The following KIF16B variants were observed in gnomAD, a reference collection of about 807,000 sequenced individuals.
KIF16B encodes kinesin family member 16B.
Under a neutral mutation model 156.3 loss-of-function variants are expected in KIF16B, and 98 were observed. That is an observed-to-expected ratio of 0.63 (90% CI 0.53 to 0.74). KIF16B has a LOEUF of 0.74. Ranked by LOEUF, KIF16B falls within the 30% of genes least tolerant of loss-of-function variation. The pLI, the probability that KIF16B is intolerant of heterozygous loss-of-function variation, is 0.00. For missense variants in KIF16B, 1,421 were observed against 1,606.5 expected (o/e 0.88, Z 1.97); for synonymous variants, 564 against 583.7 (o/e 0.97, Z 0.49).
rs775489999 is a variant in KIF16B, at chr20:16,404,860, G to A, written c.1737C>T (p.Leu579=). Residue 579 remains leucine (L), a synonymous_variant, in exon 17 of 26, where the codon CTC becomes CTT. Coordinates refer to ENST00000354981, the MANE Select transcript of KIF16B (RefSeq NM_024704.5). ...LSSFSLSMTD[L]SKSRENLSAV... is the part of the protein sequence containing the mutation. ...CAGACAGGTTCTCACGGGACTTCGA[G>A]AGGTCGGTCATGGACAAGCTGAAGG... The A allele has an allele frequency of 5.6e-6, 9 of 1,613,468 alleles. No individual in the cohort carries two copies. In the African/African-American group the frequency reaches 8.0e-5, roughly 14 times the overall value.
chr20:16,551,414 C>T (rs1319251960), intron 1 of KIF16B, among the ~76,000 whole-genome samples: 3 of 152,202 alleles, frequency 2.0e-5, no homozygotes, highest in African/African-American at 7.2e-5. Context: ...CAGGCATGAG[C>T]CACTGTGCCT....
intron 25 of KIF16B, among the ~76,000 whole-genome samples, chr20:16,278,224 G>A (rs1338696415): frequency 6.6e-6 from 1 of 152,082 alleles, no homozygotes; most frequent in Non-Finnish European, 1.5e-5. Flanking sequence ...TCTAGGGGAG[G>A]ACAAGAGAAA....
At chr20:16,371,452 G>A (rs1342223392) in intron 21 of KIF16B, among the ~76,000 whole-genome samples, 5 of 152,064 alleles carry the variant, frequency 3.3e-5, no homozygotes, top group Admixed American at 3.3e-4. Flanking sequence ...TTAGCCAGGT[G>A]TGGTGGCAGG....
intron 1 of KIF16B, among the ~76,000 whole-genome samples, chr20:16,568,379 G>T (rs76257608): frequency 0.052 from 7,896 of 152,254 alleles, 253 homozygotes; most frequent in Admixed American, 0.085. Flanking sequence ...ACTTGTTTTT[G>T]AATAAAGTTA....
chr20:16,436,021 T>C (rs1322071993), intron 12 of KIF16B, among the ~76,000 whole-genome samples: 2 of 152,202 alleles, frequency 1.3e-5, no homozygotes, highest in Non-Finnish European at 2.9e-5. Flanking sequence ...TTCATCTATA[T>C]TGGGATCTTT....
In KIF16B at chr20:16,379,665, C is replaced by A. The variant is rs370676980; in HGVS notation, c.2337G>T (p.Leu779=). 4 of 1,614,068 alleles carry A rather than the reference C, an allele frequency of 2.5e-6. No homozygotes were observed. The highest frequency in any genetic ancestry group is 3.4e-6 in the Non-Finnish European group (4 of 1,180,042). Residue 779 remains leucine, a synonymous_variant, in exon 19 of 26, where the codon CTG becomes CTT. Coordinates refer to ENST00000354981, the MANE Select transcript of KIF16B (RefSeq NM_024704.5). Reference sequence around the variant, plus strand: ...CCACCCACTGTACCTCCCCACGCCGCAGGAGCTGGATCATCTCCTGCTTCT... The same window carrying A: ...CCACCCACTGTACCTCCCCACGCCGAAGGAGCTGGATCATCTCCTGCTTCT... ...LREKQEMIQL[L]RRGEVQWVEE... is the part of the protein sequence containing the mutation.
intron 15 of KIF16B, among the ~76,000 whole-genome samples, chr20:16,411,115 T>C (rs2065942720): frequency 6.6e-6 from 1 of 152,108 alleles, no homozygotes; most frequent in South Asian, 2.1e-4. Flanking sequence ...CTGTGTCTGT[T>C]CCTAAATGTC....
chr20:16,505,940 T>G (rs1204580665), intron 8 of KIF16B, 82 bp downstream of exon 8: 1 of 1,603,722 alleles, frequency 6.2e-7, no homozygotes, highest in Non-Finnish European at 8.5e-7. Context: ...CTTGAAGAAA[T>G]TACCTCAGTT....
intron 22 of KIF16B, among the ~76,000 whole-genome samples, chr20:16,360,685 A>G (rs1036520674): frequency 1.3e-5 from 2 of 152,220 alleles, no homozygotes; most frequent in African/African-American, 4.8e-5. Flanking sequence ...ATTTTTTCTG[A>G]TAGCTTTTAA....
intron 1 of KIF16B, among the ~76,000 whole-genome samples, chr20:16,545,311 A>G (rs961651754): frequency 2.0e-5 from 3 of 152,004 alleles, no homozygotes; most frequent in African/African-American, 7.3e-5. Context: ...CAGGCAGATC[A>G]CTTGAGTCCA....
At chr20:16,420,146 C>A (rs2066189502) in intron 15 of KIF16B, among the ~76,000 whole-genome samples, 1 of 152,142 alleles carries the variant, frequency 6.6e-6, no homozygotes, top group Admixed American at 6.5e-5. Context: ...AAACTTCAGG[C>A]AACAAACTTT....
At chr20:16,556,376 G>A (rs2070848039) in intron 1 of KIF16B, among the ~76,000 whole-genome samples, 1 of 152,174 alleles carries the variant, frequency 6.6e-6, no homozygotes, top group Non-Finnish European at 1.5e-5. Flanking sequence ...AGAGAGCAAG[G>A]ACTATGCCCA....
chr20:16,456,633 A>G (rs568153690), intron 12 of KIF16B, among the ~76,000 whole-genome samples: 44 of 152,338 alleles, frequency 2.9e-4, no homozygotes, highest in African/African-American at 1.0e-3. Context: ...AAATTACATA[A>G]GTGGTAAATA....
At chr20:16,438,321 T>C (rs1413656356) in intron 12 of KIF16B, among the ~76,000 whole-genome samples, 1 of 152,142 alleles carries the variant, frequency 6.6e-6, no homozygotes, top group African/African-American at 2.4e-5. Context: ...GGTCCAAAAA[T>C]AGGTGACTAC....
chr20:16,481,953 A>G (rs2067993713), intron 12 of KIF16B, among the ~76,000 whole-genome samples: 1 of 152,144 alleles, frequency 6.6e-6, no homozygotes, highest in Non-Finnish European at 1.5e-5. Flanking sequence ...TATGATAGGT[A>G]CGATTACTGT....
intron 1 of KIF16B, among the ~76,000 whole-genome samples, chr20:16,565,422 G>A (rs535774528): frequency 1.2e-4 from 18 of 152,230 alleles, no homozygotes; most frequent in Non-Finnish European, 2.2e-4. Flanking sequence ...CAGTTCTGAC[G>A]TTGTGAACCC....
rs745614185 is a variant in KIF16B at position 16,379,759 on chromosome 20, T to G, written c.2243A>C (p.Lys748Thr). Residue 748 changes from lysine to threonine, a missense_variant, in exon 19 of 26, where the codon AAA becomes ACA. By Grantham distance (78) the Lys-to-Thr change is moderately conservative. Coordinates refer to ENST00000354981, the MANE Select transcript of KIF16B (RefSeq NM_024704.5). ...DEQYAKLELE[K>T]KRLEEQEKEQ... is the part of the protein sequence containing the mutation. ...CTTCTCCTGCTCCTCTAGTCTCTTT[T>G]TTTCCAGTTCAAGCTTGGCATACTG... is the stretch of plus-strand genomic sequence containing the variant. 1.2e-6 allele frequency: 2 copies of G among 1,614,100 alleles called. No individual in the cohort carries two copies. Among genetic ancestry groups the G allele is most frequent in the Non-Finnish European group, 1.7e-6 (2 of 1,180,054 alleles).
intron 23 of KIF16B, among the ~76,000 whole-genome samples, chr20:16,355,069 T>A (rs2064412725): frequency 6.6e-6 from 1 of 151,302 alleles, no homozygotes; most frequent in African/African-American, 2.4e-5. Flanking sequence ...TATATAGAAA[T>A]AAAATCCTAA....
chr20:16,382,296 T>C (rs2065117149), intron 17 of KIF16B, among the ~76,000 whole-genome samples: 1 of 152,218 alleles, frequency 6.6e-6, no homozygotes. Context: ...CATTTCCCAA[T>C]AATTTCATGA....
Sources: allele counts gnomAD v4.1 joint callset (sites outside exome capture counted in the v4.1 genomes callset), GRCh38; gene constraint gnomAD v4.1.1; transcripts MANE v1.5; gene names NCBI Gene and HGNC (gene_info 2026-07-23, HGNC 2026-07-21).